GRIN2B: variants seen among roughly 807,000 people sequenced by gnomAD.
GRIN2B encodes glutamate receptor ionotropic, NMDA 2B.
GRIN2B carries 5 observed loss-of-function variants against 114.5 expected under a neutral mutation model. The ratio of observed to expected loss-of-function variants is 0.04; its 90% confidence interval spans 0.02 to 0.09. The LOEUF is 0.09. GRIN2B is among the 10% of genes least tolerant of loss of function. The pLI, the probability that GRIN2B is intolerant of heterozygous loss-of-function variation, is 1.00. For synonymous variants in GRIN2B, 787 were observed against 745.1 expected, an observed-to-expected ratio of 1.06 and a Z score of -0.92; for missense variants, 1,108 against 1,943.5, an observed-to-expected ratio of 0.57 and a Z score of 8.08.
At chr12:13,770,158 T>C (rs1182885977) in intron 3 of GRIN2B, among the ~76,000 whole-genome samples, 1 of 152,236 alleles carries the variant, frequency 6.6e-6, no homozygotes, top group East Asian at 1.9e-4. Flanking sequence ...CTTTTCCTCA[T>C]TGCACATAAG....
intron 5 of GRIN2B, among the ~76,000 whole-genome samples, chr12:13,621,613 G>GTTTTTTTTT (rs869106790): frequency 1.4e-5 from 1 of 72,368 alleles, no homozygotes; most frequent in Non-Finnish European, 2.5e-5. Context: ...CCTAGTTTTT[G>GTTTTTTTTT]TTTTTTTTTT....
rs1174578911 is a variant in GRIN2B, at chr12:13,546,578, A to G, written c.*16205T>C. 1 of 152,190 alleles carries G rather than the reference A, an allele frequency of 6.6e-6. No homozygotes were observed. Among genetic ancestry groups the G allele is most frequent in the Admixed American group, 6.5e-5 (1 of 15,280 alleles). 9.4% of individuals were successfully genotyped at this position (152,190 alleles called of 1,614,324 possible). On this transcript the variant is annotated 3_prime_UTR_variant, in exon 14 of 14. Coordinates refer to ENST00000609686, the MANE Select transcript of GRIN2B (RefSeq NM_000834.5). ...CAACTCAGTGAAGAACATTTCTCAG[A>G]ACCAAGCTTTTTGTCTGCTTGTCAC... is the stretch of plus-strand genomic sequence containing the variant.
At chr12:13,760,771 G>T (rs568745943) in intron 3 of GRIN2B, among the ~76,000 whole-genome samples, 16 of 152,286 alleles carry the variant, frequency 1.1e-4, no homozygotes, top group African/African-American at 3.9e-4. Context: ...GCACAGAGTA[G>T]AAGCAGAATA....
chr12:13,718,728 C>T (rs139556366), intron 4 of GRIN2B, among the ~76,000 whole-genome samples: 347 of 152,152 alleles, frequency 2.3e-3, no homozygotes, highest in African/African-American at 7.4e-3. Context: ...TAAGGTTGAA[C>T]TTAGTAGAGA....
At chr12:13,703,379 C>CT (rs1316143683) in intron 4 of GRIN2B, among the ~76,000 whole-genome samples, 14 of 152,136 alleles carry the variant, frequency 9.2e-5, no homozygotes, top group African/African-American at 3.4e-4. Context: ...CACTCACATG[C>CT]TATATGTTCA....
chr12:13,613,516 T>G (rs1451940695), intron 8 of GRIN2B, among the ~76,000 whole-genome samples: 2 of 152,220 alleles, frequency 1.3e-5, no homozygotes, highest in South Asian at 4.2e-4. Flanking sequence ...AGTCTGTGTT[T>G]TTTCATTGTA....
At chr12:13,920,681 G>A (rs981239156) in intron 2 of GRIN2B, among the ~76,000 whole-genome samples, 1 of 152,206 alleles carries the variant, frequency 6.6e-6, no homozygotes, top group Admixed American at 6.5e-5. Context: ...GCACCTGGAA[G>A]ACGTCACTTT....
In GRIN2B at chr12:13,865,689, C is replaced by G. The variant is rs1819262007; in HGVS notation, c.411+109G>C. 6.6e-6 allele frequency: 6 copies of G among 914,944 alleles called. No individual in the cohort carries two copies. In the Admixed American group the frequency reaches 1.0e-4, roughly 15 times the overall value. The allele number at this position is 914,944 out of a possible 1,614,324, so 56.7% of individuals were successfully genotyped here. A position where few individuals can be genotyped will look rare whatever the true frequency, so the allele number is the denominator to read the frequency against. ...TGCTGGCCTATCCACGCTGTCAATGCAATCTGGTTACCTTCCATCATTAAC... is the reference window on the plus strand; with the variant it reads ...TGCTGGCCTATCCACGCTGTCAATGGAATCTGGTTACCTTCCATCATTAAC... On this transcript the variant is annotated intron_variant, in intron 3 of 13. Transcript: ENST00000609686.
chr12:13,915,692 A>G (rs115306920), intron 2 of GRIN2B, among the ~76,000 whole-genome samples: 24 of 152,308 alleles, frequency 1.6e-4, no homozygotes, highest in African/African-American at 4.6e-4. Flanking sequence ...AAATAGCCAC[A>G]TAAGACCAGT....
intron 3 of GRIN2B, among the ~76,000 whole-genome samples, chr12:13,760,795 A>G (rs550262535): frequency 2.3e-4 from 35 of 152,256 alleles, no homozygotes; most frequent in Admixed American, 3.9e-4. Flanking sequence ...GAGACAAAAA[A>G]TCTCTTTCTC....
chr12:13,967,707 A>C (rs956154082), intron 2 of GRIN2B, among the ~76,000 whole-genome samples: 1 of 152,154 alleles, frequency 6.6e-6, no homozygotes, highest in African/African-American at 2.4e-5. Flanking sequence ...TAGAGACACG[A>C]TAGCAGTCCT....
intron 3 of GRIN2B, among the ~76,000 whole-genome samples, chr12:13,790,540 T>C (rs1328527593): frequency 6.6e-6 from 1 of 152,236 alleles, no homozygotes; most frequent in African/African-American, 2.4e-5. Context: ...ATGTACAAGT[T>C]AAACACAGTG....
In GRIN2B at chr12:13,561,747, A is replaced by T. The variant is rs1948547827; in HGVS notation, c.*1036T>A. On this transcript the variant is annotated 3_prime_UTR_variant, in exon 14 of 14. Coordinates refer to ENST00000609686, the MANE Select transcript of GRIN2B (RefSeq NM_000834.5). The stretch of plus-strand genomic sequence containing the variant: ...CCTTCCTGGAAAGTTCTTGGTTCAA[A>T]CTGGTTGAAACAATTGCCAACCACT... The T allele has an allele frequency of 6.6e-6, 1 of 152,618 alleles. No individual in the cohort carries two copies. The highest frequency in any genetic ancestry group is 2.4e-5 in the African/African-American group (1 of 41,436). 9.5% of individuals were successfully genotyped at this position (152,618 alleles called of 1,614,324 possible). A position where few individuals can be genotyped will look rare whatever the true frequency, so the allele number is the denominator to read the frequency against.
chr12:13,664,904 A>G (rs890970363), intron 5 of GRIN2B, among the ~76,000 whole-genome samples: 2 of 152,140 alleles, frequency 1.3e-5, no homozygotes, highest in South Asian at 2.1e-4. Flanking sequence ...CTGCACCTCC[A>G]ACAGATGTCT....
chr12:13,777,180 T>G (rs753272159), intron 3 of GRIN2B, among the ~76,000 whole-genome samples: 2 of 152,172 alleles, frequency 1.3e-5, no homozygotes, highest in Non-Finnish European at 2.9e-5. Context: ...TGTCCCCTCC[T>G]GGTACTAGAA....
At chr12:13,764,614 C>T (rs1182110309) in intron 3 of GRIN2B, among the ~76,000 whole-genome samples, 2 of 152,176 alleles carry the variant, frequency 1.3e-5, no homozygotes, top group Non-Finnish European at 2.9e-5. Flanking sequence ...AAGAAAAAAT[C>T]TTCCCTAGAA....
At chr12:13,884,227 G>A (rs764965315) in intron 2 of GRIN2B, among the ~76,000 whole-genome samples, 9 of 150,838 alleles carry the variant, frequency 6.0e-5, no homozygotes, top group Non-Finnish European at 1.2e-4. Context: ...GTTTTGCCAT[G>A]TAAATTTTAG....
intron 10 of GRIN2B, among the ~76,000 whole-genome samples, chr12:13,593,271 A>G (rs1005819523): frequency 2.0e-5 from 3 of 152,262 alleles, no homozygotes; most frequent in Non-Finnish European, 4.4e-5. Flanking sequence ...AGCTGGAGGC[A>G]TCATGCTACC....
intron 3 of GRIN2B, among the ~76,000 whole-genome samples, chr12:13,829,950 G>A (rs1865117305): frequency 6.6e-6 from 1 of 152,202 alleles, no homozygotes; most frequent in East Asian, 1.9e-4. Flanking sequence ...TGAGCTGGCA[G>A]GTAAGGCAGT....
Sources: gnomAD v4.1 joint callset for allele counts (sites outside exome capture counted in the v4.1 genomes callset) on GRCh38, gnomAD v4.1.1 for gene constraint, MANE v1.5 for transcripts, NCBI Gene and HGNC (gene_info 2026-07-23, HGNC 2026-07-21) for gene names.